The following EXOC4 variants were observed in gnomAD, a reference collection of about 807,000 sequenced individuals.
EXOC4 encodes the protein exocyst complex component 4, also known as SEC8-like 1.
Under a neutral mutation model 107.2 loss-of-function variants are expected in EXOC4, and 71 were observed. The observed-to-expected ratio is 0.66, with a 90% CI of 0.55 to 0.81. The LOEUF is 0.81. Among genes scored for constraint, EXOC4 ranks in the 30% least tolerant of loss-of-function variants. The pLI is 0.00. For missense variants in EXOC4, 1,108 were observed against 1,189.6 expected (o/e 0.93, Z 1.01); for synonymous variants, 456 against 441.2 (o/e 1.03, Z -0.42).
At chr7:133,373,364 C>G (rs1796419281) in intron 6 of EXOC4, among the ~76,000 whole-genome samples, 1 of 152,144 alleles carries the variant, frequency 6.6e-6, no homozygotes, top group African/African-American at 2.4e-5. Flanking sequence ...AGAATGGCTT[C>G]TATTTATAAA....
At chr7:133,857,656 G>A (rs958170645) in intron 11 of EXOC4, among the ~76,000 whole-genome samples, 16 of 151,708 alleles carry the variant, frequency 1.1e-4, no homozygotes, top group African/African-American at 2.4e-4. Context: ...CAGCTGCTGC[G>A]GCAGGGCAGG....
chr7:133,771,932 TGGAAA>T (rs904975170), intron 10 of EXOC4, among the ~76,000 whole-genome samples: 2 of 151,916 alleles, frequency 1.3e-5, no homozygotes, highest in Admixed American at 6.6e-5. Flanking sequence ...CTTATTATTC[TGGAAA>T]GAAATTAGAC....
At position 133,480,126 on chromosome 7, in the gene EXOC4, G is replaced by A. The variant is rs766983321; in HGVS notation, c.1405G>A (p.Gly469Arg). The A allele has an allele frequency of 2.5e-6, 4 of 1,613,978 alleles. No homozygotes were observed. The highest frequency in any genetic ancestry group is 3.4e-6 in the Non-Finnish European group (4 of 1,179,896). Reference sequence around the variant, plus strand: ...GAGAAGGGAGCTCTATAGTCGGAGTGGAGAACTGCAAGGTGAGTGATTGAG... The same window carrying A: ...GAGAAGGGAGCTCTATAGTCGGAGTAGAGAACTGCAAGGTGAGTGATTGAG... ...EQRRELYSRSGELQGGPDDNL... is the reference protein window; with the variant it reads ...EQRRELYSRSRELQGGPDDNL... The change falls in exon 9 of 18, where the codon GGA (glycine) becomes AGA (arginine). Residue 469 changes from glycine (G) to arginine (R), a missense_variant. Coordinates refer to ENST00000253861, the MANE Select transcript of EXOC4 (RefSeq NM_021807.4).
chr7:133,505,212 G>A (rs1799645671), intron 9 of EXOC4, among the ~76,000 whole-genome samples: 1 of 152,066 alleles, frequency 6.6e-6, no homozygotes, highest in Admixed American at 6.5e-5. Context: ...GGTTTATAGT[G>A]TGAATATCTT....
chr7:133,900,172 G>T (rs934437168), intron 12 of EXOC4, among the ~76,000 whole-genome samples: 2 of 152,114 alleles, frequency 1.3e-5, no homozygotes, highest in African/African-American at 4.8e-5. Flanking sequence ...TGGGGATAAA[G>T]AAATTAATCA....
chr7:133,266,222 TCTC>T (rs1377697450), intron 1 of EXOC4, among the ~76,000 whole-genome samples: 1 of 152,104 alleles, frequency 6.6e-6, no homozygotes, highest in Non-Finnish European at 1.5e-5. Flanking sequence ...GGAGAGGGCT[TCTC>T]CTTCCTTTTC....
At chr7:133,900,214 C>G (rs1799421563) in intron 12 of EXOC4, among the ~76,000 whole-genome samples, 1 of 151,960 alleles carries the variant, frequency 6.6e-6, no homozygotes, top group Admixed American at 6.6e-5. Context: ...TGCTCATATT[C>G]TTGGTGAAGA....
intron 12 of EXOC4, among the ~76,000 whole-genome samples, chr7:133,915,040 A>T (rs1799775220): frequency 6.6e-6 from 1 of 152,232 alleles, no homozygotes; most frequent in East Asian, 1.9e-4. Flanking sequence ...CAAATAGAAA[A>T]TCTAGAAATG....
At chr7:133,762,149 A>G (rs916006381) in intron 10 of EXOC4, among the ~76,000 whole-genome samples, 1 of 152,142 alleles carries the variant, frequency 6.6e-6, no homozygotes, top group African/African-American at 2.4e-5. Flanking sequence ...TTTTCTTTTC[A>G]TGTATGTATG....
chr7:133,424,389 G>A (rs549216269), intron 7 of EXOC4, among the ~76,000 whole-genome samples: 32 of 151,464 alleles, frequency 2.1e-4, no homozygotes, highest in Admixed American at 4.6e-4. Context: ...CACTCACCGC[G>A]AAGGTCTGCA....
chr7:133,970,190 T>TA (rs1177750036), intron 14 of EXOC4, among the ~76,000 whole-genome samples: 1 of 151,936 alleles, frequency 6.6e-6, no homozygotes, highest in Admixed American at 6.6e-5. Context: ...CAGACACCCC[T>TA]CCCCCCACCA....
At chr7:133,713,398 C>T (rs773427760) in intron 10 of EXOC4, among the ~76,000 whole-genome samples, 1 of 152,020 alleles carries the variant, frequency 6.6e-6, no homozygotes, top group Non-Finnish European at 1.5e-5. Context: ...ACATAACAGT[C>T]ATTAATTTCA....
chr7:133,906,904 C>T (rs1234789078), intron 12 of EXOC4, among the ~76,000 whole-genome samples: 2 of 152,196 alleles, frequency 1.3e-5, no homozygotes, highest in Non-Finnish European at 2.9e-5. Flanking sequence ...TTCTGTGACC[C>T]ATGGCTTCTA....
Position 133,501,248 on chromosome 7 carries a change from G to A in EXOC4, c.1417+21110G>A, listed in dbSNP as rs150700256. Among the ~76,000 whole-genome samples the A allele has an allele frequency of 2.0e-3, 303 of 152,156 alleles. 2 individuals carry two copies. Among genetic ancestry groups the A allele is most frequent in the African/African-American group, 7.0e-3 (289 of 41,508 alleles). On this transcript the variant is annotated intron_variant, in intron 9 of 17. Coordinates refer to ENST00000253861, the MANE Select transcript of EXOC4 (RefSeq NM_021807.4). ...ATTGTTGCTTTATTAGTAATCACAGGGCTAATGCAAAGCTCTGATAATTAA... is the reference window on the plus strand; with the variant it reads ...ATTGTTGCTTTATTAGTAATCACAGAGCTAATGCAAAGCTCTGATAATTAA...
chr7:133,803,488 T>TTG, intron 10 of EXOC4, among the ~76,000 whole-genome samples: 1 of 152,338 alleles, frequency 6.6e-6, no homozygotes, highest in Middle Eastern at 3.4e-3. Flanking sequence ...CTGTTTTATC[T>TTG]TCTGTGAGTT....
intron 5 of EXOC4, among the ~76,000 whole-genome samples, chr7:133,318,622 A>G (rs1795043403): frequency 6.6e-6 from 1 of 152,192 alleles, no homozygotes; most frequent in African/African-American, 2.4e-5. Flanking sequence ...AAATAGAAAA[A>G]CAATTTGGAT....
chr7:133,778,199 T>C (rs1796385935), intron 10 of EXOC4, among the ~76,000 whole-genome samples: 1 of 152,164 alleles, frequency 6.6e-6, no homozygotes. Flanking sequence ...TTGATGCTTA[T>C]CTTAGGGGGG....
intron 17 of EXOC4, among the ~76,000 whole-genome samples, chr7:134,041,757 G>A (rs1003588987): frequency 1.3e-5 from 2 of 152,152 alleles, no homozygotes; most frequent in African/African-American, 4.8e-5. Context: ...TCAGTTCATT[G>A]TGAGAGAAGG....
intron 7 of EXOC4, among the ~76,000 whole-genome samples, chr7:133,426,071 G>C (rs1185948864): frequency 6.6e-6 from 1 of 152,144 alleles, no homozygotes; most frequent in Non-Finnish European, 1.5e-5. Flanking sequence ...CTAATATTTG[G>C]CTCAGAATAT....
Sources: gnomAD v4.1 joint callset for allele counts (sites outside exome capture counted in the v4.1 genomes callset) on GRCh38, gnomAD v4.1.1 for gene constraint, MANE v1.5 for transcripts, NCBI Gene and HGNC (gene_info 2026-07-23, HGNC 2026-07-21) for gene names.